NELFE: variants seen among roughly 807,000 people sequenced by gnomAD.
The protein encoded by NELFE is negative elongation factor E.
A neutral mutation model predicts 55.5 loss-of-function variants in NELFE; 26 were observed. The observed-to-expected ratio is 0.47, with a 90% CI of 0.34 to 0.65. NELFE has a LOEUF of 0.65. Ranked by LOEUF, NELFE falls within the 30% of genes least tolerant of loss-of-function variation. NELFE has a pLI of 0.01. For missense variants in NELFE, 403 were observed against 506.9 expected (o/e 0.80, Z 1.97); for synonymous variants, 162 against 178.0 (o/e 0.91, Z 0.72).
chr6:31,956,687 GCTC>G lies in NELFE; in HGVS notation c.291+3_291+5del. 1 of 1,593,534 alleles carries G rather than the reference GCTC, an allele frequency of 6.3e-7. No homozygotes were observed. On this transcript the variant is annotated splice_donor_5th_base_variant and intron_variant, in intron 4 of 10. Coordinates refer to ENST00000375429, the MANE Select transcript of NELFE (RefSeq NM_002904.6). ...CCCTTTAAACAATCTTTCTGCTTGTGCTCACCTTTAACTTCCCCTCAAGGGTTC... is the reference window on the plus strand; with the variant it reads ...CCCTTTAAACAATCTTTCTGCTTGTGACCTTTAACTTCCCCTCAAGGGTTC...
At chr6:31,956,016 C>T (rs551158662) in intron 4 of NELFE, among the ~76,000 whole-genome samples, 82 of 152,118 alleles carry the variant, frequency 5.4e-4, no homozygotes, top group Non-Finnish European at 1.1e-3. Flanking sequence ...CTGCAAGCTC[C>T]GCCTCCTGGG....
At position 31,958,898 on chromosome 6, in the gene NELFE, G is replaced by T; in HGVS notation, c.-15C>A. 3.4e-6 allele frequency: 2 copies of T among 593,036 alleles called. No homozygotes were observed. The highest frequency in any genetic ancestry group is 6.0e-6 in the Non-Finnish European group (2 of 334,974). 36.7% of individuals were successfully genotyped at this position (593,036 alleles called of 1,614,324 possible). ...GAGAAGCAGAGGGCCTTACCCGAGG[G>T]GGCGGCAACCGGGGGCCCCACGGTC... On this transcript the variant is annotated 5_prime_UTR_variant, in exon 1 of 11. Transcript: ENST00000375429.
At chr6:31,958,871 G>A in intron 1 of NELFE, 21 bp downstream of exon 1, 1 of 609,962 alleles carries the variant, frequency 1.6e-6, no homozygotes. Flanking sequence ...GGGCCGAAGA[G>A]TGAGAAGCAG....
rs1447718197 is a variant in NELFE at position 31,954,316 on chromosome 6, G to C, written c.869C>G (p.Ser290Cys). ...TCCTTACTTTCTGGGTGGGTCCATG[G>C]AGAGGTCAATGATGTTTCCAAAAGG... ...FSPFGNIIDL[S>C]MDPPRNCAFV... Residue 290 changes from serine (S) to cysteine (C), a missense_variant, in exon 8 of 11, where the codon TCC (serine) becomes TGC (cysteine). Physicochemically the swap from Ser to Cys is moderately radical, Grantham distance 112. Transcript: ENST00000375429. This position sits in a 1 kb window ranked among gnomAD's most constrained non-coding sequence, Gnocchi z 5.5. The C allele has an allele frequency of 6.2e-7, 1 of 1,612,506 alleles. No individual in the cohort carries two copies. The highest frequency in any genetic ancestry group is 1.1e-5 in the South Asian group (1 of 90,930).
chr6:31,957,418 CCT>C, intron 2 of NELFE: 2 of 479,732 alleles, frequency 4.2e-6, no homozygotes, highest in Non-Finnish European at 8.2e-6. Flanking sequence ...TTGTTCCTAC[CCT>C]CAAGAAGCTT....
rs900835781 is a variant in NELFE, at chr6:31,954,160, T to C, written c.888-26A>G. ...CTGGGATAAGAGAAAACACGGTCAG[T>C]GGAGAGCCAAGGGGCTCTTCTGGAC... On this transcript the variant is annotated intron_variant, in intron 8 of 10. Coordinates refer to ENST00000375429, the MANE Select transcript of NELFE (RefSeq NM_002904.6). This position sits in a 1 kb window ranked among gnomAD's most constrained non-coding sequence, Gnocchi z 5.5. 6.2e-7 allele frequency: 1 copy of C among 1,613,740 alleles called. No homozygotes were observed. Among genetic ancestry groups the C allele is most frequent in the African/African-American group, 1.3e-5 (1 of 74,898 alleles).
intron 2 of NELFE, chr6:31,957,368 G>A (rs957788741): frequency 1.9e-6 from 1 of 524,230 alleles, no homozygotes; most frequent in Non-Finnish European, 3.7e-6. Context: ...ATGAGGCCCA[G>A]CCATGACTTC....
rs779305640 is a variant in NELFE, at chr6:31,956,950, C to T, written c.136G>A (p.Val46Ile). The T allele has an allele frequency of 1.9e-6, 3 of 1,610,162 alleles. No homozygotes were observed. The South Asian group carries it at 3.3e-5, about 18-fold the overall frequency. Residue 46 changes from valine (V) to isoleucine (I), a missense_variant, in exon 3 of 11, where the codon GTC (valine) becomes ATC (isoleucine). By Grantham distance (29) the Val-to-Ile change is conservative. Transcript: ENST00000375429. ...SSSSTTSQGG[V>I]KRSLSEQPVM... ...TTCCCCTGTCACTCACAGCGTTTGA[C>T]ACCACCTTGGCTGGTTGTGCTGCTG...
At chr6:31,956,076 G>A (rs1008386719) in intron 4 of NELFE, among the ~76,000 whole-genome samples, 9 of 151,932 alleles carry the variant, frequency 5.9e-5, no homozygotes, top group African/African-American at 2.2e-4. Flanking sequence ...GACTACAGGC[G>A]CCCGCCACCA....
chr6:31,952,454 T>C (rs1184990426), intron 10 of NELFE, 56 bp from the exon 11 acceptor site: 2 of 1,315,028 alleles, frequency 1.5e-6, no homozygotes, highest in East Asian at 4.6e-5. Flanking sequence ...GAACAGACCC[T>C]GAGGCTGACT....
intron 1 of NELFE, chr6:31,958,690 C>A (rs1223580920): frequency 5.7e-6 from 4 of 703,006 alleles, no homozygotes; most frequent in South Asian, 4.4e-5. Flanking sequence ...CCATGTGGTT[C>A]AAGGAGGGAC....
rs559552183 is a variant in NELFE, at chr6:31,955,955, C to T, written c.292-662G>A. On this transcript the variant is annotated intron_variant, in intron 4 of 10. Transcript: ENST00000375429. ...CTGCTAATTTTTTTTTTTTTTGAGA[C>T]GGAGTCTCGCTGTCACCCAGGCTGG... Among the ~76,000 whole-genome samples the T allele has an allele frequency of 2.4e-4, 36 of 149,080 alleles. No homozygotes were observed. In the East Asian group the frequency reaches 3.5e-3, roughly 15 times the overall value.
intron 4 of NELFE, 120 bp downstream of exon 4, chr6:31,956,573 G>T: frequency 1.9e-6 from 2 of 1,070,576 alleles, no homozygotes; most frequent in Non-Finnish European, 1.4e-6. Context: ...ATACATGAGA[G>T]GTGAAACTCA....
intron 10 of NELFE, among the ~76,000 whole-genome samples, chr6:31,953,289 G>T (rs763278128): frequency 7.7e-6 from 1 of 129,542 alleles, no homozygotes; most frequent in African/African-American, 3.0e-5. Flanking sequence ...GTCCTGGGTC[G>T]TTTTTTTTTC....
In NELFE at chr6:31,952,408, G is replaced by T; in HGVS notation, c.1046-10C>A. On this transcript the variant is annotated splice_polypyrimidine_tract_variant and intron_variant, in intron 10 of 10. Transcript: ENST00000375429. ...GGGCTGTTCTGGACAGCTAGGGAGG[G>T]AGGAGAGGAACAGTTAAGGTCTAAA... The T allele has an allele frequency of 6.2e-7, 1 of 1,600,534 alleles. No individual in the cohort carries two copies. Among genetic ancestry groups the T allele is most frequent in the Non-Finnish European group, 8.6e-7 (1 of 1,167,954 alleles).
chr6:31,957,939 T>C (rs1008617090), intron 2 of NELFE, among the ~76,000 whole-genome samples: 3 of 152,126 alleles, frequency 2.0e-5, no homozygotes, highest in African/African-American at 7.2e-5. Context: ...GAAGAAACAA[T>C]AAGACTTGGC....
chr6:31,952,523 T>C, intron 10 of NELFE, 125 bp from the exon 11 acceptor site: 2 of 642,128 alleles, frequency 3.1e-6, no homozygotes, highest in Non-Finnish European at 5.3e-6. Flanking sequence ...CGCTGCCCTC[T>C]GGTGGCCAGG....
Position 31,955,045 on chromosome 6 carries a change from C to T in NELFE, c.404+14G>A. On this transcript the variant is annotated intron_variant, in intron 6 of 10. Transcript: ENST00000375429. ...CTCCACCAAATGGGCCCAGCCTTATCTCTACTCTCTAACCTCTCATACAGA... is the reference window on the plus strand; with the variant it reads ...CTCCACCAAATGGGCCCAGCCTTATTTCTACTCTCTAACCTCTCATACAGA... 6.2e-7 allele frequency: 1 copy of T among 1,613,244 alleles called. No homozygotes were observed. Among genetic ancestry groups the T allele is most frequent in the Non-Finnish European group, 8.5e-7 (1 of 1,180,026 alleles).
chr6:31,955,395 C>T (rs1772016336), intron 4 of NELFE, 102 bp from the exon 5 acceptor site: 2 of 717,256 alleles, frequency 2.8e-6, no homozygotes, highest in South Asian at 2.5e-5. Flanking sequence ...TTCCTCTGAT[C>T]TTTTCTTCCC....
Sources: gnomAD v4.1 joint callset for allele counts (sites outside exome capture counted in the v4.1 genomes callset) on GRCh38, gnomAD v4.1.1 for gene constraint, Gnocchi (gnomAD v3.1) non-coding constraint, MANE v1.5 for transcripts, NCBI Gene and HGNC (gene_info 2026-07-23, HGNC 2026-07-21) for gene names.